The following SGCZ variants were observed in gnomAD, a reference collection of about 807,000 sequenced individuals.
The protein encoded by SGCZ is sarcoglycan zeta.
A neutral mutation model predicts 41.3 loss-of-function variants in SGCZ; 40 were observed. The ratio of observed to expected loss-of-function variants is 0.97; its 90% CI spans 0.75 to 1.26. SGCZ has a LOEUF of 1.26. Among genes scored for constraint, SGCZ ranks in the 50% most tolerant of loss-of-function variants. The pLI is 0.00. For missense variants in SGCZ, 552 were observed against 369.8 expected, an observed-to-expected ratio of 1.49 and a Z score of -4.04; for synonymous variants, 206 against 137.5, an observed-to-expected ratio of 1.50 and a Z score of -3.49.
At chr8:14,843,849 T>C (rs1273532250) in intron 1 of SGCZ, among the ~76,000 whole-genome samples, 1 of 151,902 alleles carries the variant, frequency 6.6e-6, no homozygotes, top group African/African-American at 2.4e-5. Flanking sequence ...ATTACTTGGG[T>C]TCCCAGTCTA....
chr8:14,754,288 A>G (rs1799589483), intron 1 of SGCZ, among the ~76,000 whole-genome samples: 1 of 152,202 alleles, frequency 6.6e-6, no homozygotes, highest in African/African-American at 2.4e-5. Flanking sequence ...AAGACTACAA[A>G]GATTAACCTA....
intron 1 of SGCZ, among the ~76,000 whole-genome samples, chr8:14,861,229 CAT>C (rs1404732370): frequency 7.2e-5 from 11 of 152,168 alleles, no homozygotes; most frequent in Non-Finnish European, 1.0e-4. Flanking sequence ...CATTCTTACA[CAT>C]GTTTTCCTTG....
chr8:14,491,759 T>G lies in SGCZ; in HGVS notation c.234+62973A>C, dbSNP rs554806738. On this transcript the variant is annotated intron_variant, in intron 2 of 7. Transcript: ENST00000382080. ...TGCACATGTAGGCTATAAATTGATGTCTTGGGGAACCACTTTGGTATTTCA... is the reference window on the plus strand; with the variant it reads ...TGCACATGTAGGCTATAAATTGATGGCTTGGGGAACCACTTTGGTATTTCA... Among the ~76,000 whole-genome samples, 3 of 152,306 alleles carry G rather than the reference T, an allele frequency of 2.0e-5. No homozygotes were observed. The South Asian group carries it at 6.2e-4, about 32-fold the overall frequency.
intron 1 of SGCZ, among the ~76,000 whole-genome samples, chr8:14,731,364 A>T (rs996341103): frequency 6.7e-6 from 1 of 150,184 alleles, no homozygotes; most frequent in Non-Finnish European, 1.5e-5. Flanking sequence ...GGAGGGGAAC[A>T]TCACACACTG....
chr8:15,102,263 C>T (rs139911040), intron 1 of SGCZ, among the ~76,000 whole-genome samples: 2 of 152,170 alleles, frequency 1.3e-5, no homozygotes, highest in East Asian at 1.9e-4. Flanking sequence ...CATGGAGGAA[C>T]CTTCAATGCA....
At chr8:14,726,440 T>A (rs555626060) in intron 1 of SGCZ, among the ~76,000 whole-genome samples, 133 of 150,680 alleles carry the variant, frequency 8.8e-4, no homozygotes, top group African/African-American at 3.2e-3. Context: ...AAATGTCATA[T>A]ACTTTATGTA....
At chr8:15,220,007 A>G (rs182079574) in intron 1 of SGCZ, among the ~76,000 whole-genome samples, 31 of 152,340 alleles carry the variant, frequency 2.0e-4, no homozygotes, top group Admixed American at 1.2e-3. Flanking sequence ...TGGTACACAA[A>G]TTGTTCTAAC....
At chr8:14,140,140 G>A (rs571978193) in intron 5 of SGCZ, among the ~76,000 whole-genome samples, 1 of 151,994 alleles carries the variant, frequency 6.6e-6, no homozygotes, top group Non-Finnish European at 1.5e-5. Flanking sequence ...GCTAAAAACT[G>A]TCAATAAACT....
intron 1 of SGCZ, among the ~76,000 whole-genome samples, chr8:14,623,248 C>A (rs1246031406): frequency 6.6e-6 from 1 of 152,120 alleles, no homozygotes; most frequent in Non-Finnish European, 1.5e-5. Flanking sequence ...ATCAAGCTTG[C>A]AAAACAAATT....
chr8:14,129,251 G>A (rs543256284), intron 5 of SGCZ, among the ~76,000 whole-genome samples: 51 of 143,514 alleles, frequency 3.6e-4, no homozygotes, highest in African/African-American at 1.2e-3. Flanking sequence ...GAGGCAGAGA[G>A]AAGAGAATTG....
intron 6 of SGCZ, among the ~76,000 whole-genome samples, chr8:14,103,675 A>G (rs1447794372): frequency 6.6e-6 from 1 of 152,122 alleles, no homozygotes; most frequent in Non-Finnish European, 1.5e-5. Context: ...CACCAAAGCA[A>G]CTTAAAAATT....
intron 1 of SGCZ, among the ~76,000 whole-genome samples, chr8:15,156,989 A>G (rs1015699174): frequency 1.3e-5 from 2 of 152,002 alleles, no homozygotes; most frequent in African/African-American, 4.8e-5. Context: ...GAGAAAAGAA[A>G]GCAAGCACTT....
At chr8:14,390,159 C>A (rs1804718136) in intron 2 of SGCZ, among the ~76,000 whole-genome samples, 2 of 151,754 alleles carry the variant, frequency 1.3e-5, no homozygotes, top group Admixed American at 6.6e-5. Flanking sequence ...GAATTTGTAG[C>A]CATAAAAGCA....
At position 14,331,057 on chromosome 8, in the gene SGCZ, A is replaced by G. The variant is rs1002238102; in HGVS notation, c.235-6853T>C. Among the ~76,000 whole-genome samples, 10 of 151,766 alleles carry G rather than the reference A, an allele frequency of 6.6e-5. No homozygotes were observed. In the East Asian group the frequency reaches 1.9e-3, roughly 29 times the overall value. On this transcript the variant is annotated intron_variant, in intron 2 of 7. Transcript: ENST00000382080. ...TACATGTGTTTTTATTATTTTGAAT[A>G]TCTAAAGATATTATTTATTATATAT...
chr8:15,042,614 A>G (rs1206247976), intron 1 of SGCZ, among the ~76,000 whole-genome samples: 2 of 152,158 alleles, frequency 1.3e-5, no homozygotes, highest in Admixed American at 1.3e-4. Flanking sequence ...ACATGTTGCC[A>G]CTTTTGGACA....
At chr8:14,403,250 C>T (rs1266833763) in intron 2 of SGCZ, among the ~76,000 whole-genome samples, 1 of 150,316 alleles carries the variant, frequency 6.7e-6, no homozygotes, top group Non-Finnish European at 1.5e-5. Flanking sequence ...GACAATTTGA[C>T]TTCCTCTTTT....
intron 3 of SGCZ, among the ~76,000 whole-genome samples, chr8:14,305,975 G>A (rs147903789): frequency 2.4e-4 from 36 of 152,246 alleles, no homozygotes; most frequent in East Asian, 1.9e-3. Flanking sequence ...CCATCATACC[G>A]ACTTAGACAC....
chr8:14,497,010 C>T (rs146319766), intron 2 of SGCZ, among the ~76,000 whole-genome samples: 1 of 152,128 alleles, frequency 6.6e-6, no homozygotes, highest in Non-Finnish European at 1.5e-5. Flanking sequence ...CCACATTTTC[C>T]CCTATGCAGT....
chr8:15,228,325 T>C (rs886338299), intron 1 of SGCZ, among the ~76,000 whole-genome samples: 11 of 152,178 alleles, frequency 7.2e-5, no homozygotes, highest in African/African-American at 2.7e-4. Flanking sequence ...TCATAATTTC[T>C]CCCAGGGATG....
Sources: gnomAD v4.1 joint callset for allele counts (sites outside exome capture counted in the v4.1 genomes callset) on GRCh38, gnomAD v4.1.1 for gene constraint, MANE v1.5 for transcripts, NCBI Gene and HGNC (gene_info 2026-07-23, HGNC 2026-07-21) for gene names.